Variants in GABRE observed in about 807,000 individuals in gnomAD.
GABRE encodes the protein gamma-aminobutyric acid type A receptor subunit epsilon.
In GABRE, 20 loss-of-function variants were observed where a neutral mutation model predicts 31.0. That is an observed-to-expected ratio of 0.64 (90% confidence interval 0.45 to 0.94). The LOEUF (loss-of-function observed/expected upper bound fraction) is 0.94. Among genes scored for constraint, GABRE ranks in the 40% least tolerant of loss-of-function variants. The pLI is 0.00. For missense variants in GABRE, 420 were observed against 410.7 expected (o/e 1.02, Z -0.20); for synonymous variants, 155 against 150.6 (o/e 1.03, Z -0.21).
chrX:151,960,865 G>A (rs368012787), intron 5 of GABRE, among the ~76,000 whole-genome samples: 2 of 111,892 alleles, frequency 1.8e-5, no homozygotes, highest in Non-Finnish European at 3.8e-5. Context: ...CTTGATTTGC[G>A]CAACTGGGTG....
chrX:151,973,991 C>G (rs915903180), intron 1 of GABRE, among the ~76,000 whole-genome samples: 1 of 111,301 alleles, frequency 9.0e-6, no homozygotes, highest in African/African-American at 3.3e-5. Context: ...GTGCCTGAGA[C>G]TGGCACCAAC....
At position 151,954,807 on chromosome X, in the gene GABRE, CG is replaced by C; in HGVS notation, c.1414del (p.Arg472AlafsTer19). The C allele has an allele frequency of 8.3e-7, 1 of 1,211,639 alleles. No homozygotes were observed. The highest frequency in any genetic ancestry group is 1.1e-6 in the Non-Finnish European group (1 of 895,246). ...CAGGCGGTAGACATGGATGCAGAGG[CG>C]GCCCTGCTGCCAGGTACTGCCCTCA... is the stretch of plus-strand genomic sequence containing the variant. Reference protein sequence around the residue: ...DCEGSTWQQGRLCIHVYRLDN... With the variant: ...DCEGSTWQQGXLCIHVYRLDN... On this transcript the variant is annotated frameshift_variant, in exon 9 of 9. Transcript: ENST00000370328. LOFTEE classifies it high-confidence loss of function.
intron 8 of GABRE, 38 bp downstream of exon 8, chrX:151,955,330 T>C (rs746108157): frequency 5.8e-6 from 7 of 1,207,484 alleles, no homozygotes; most frequent in East Asian, 5.9e-5. Flanking sequence ...GTCTCTACAC[T>C]CCAAAGCCTT....
At chrX:151,961,140 T>C (rs1247509576) in intron 5 of GABRE, 143 bp downstream of exon 5, 1 of 467,822 alleles carries the variant, frequency 2.1e-6, no homozygotes, top group Non-Finnish European at 3.8e-6. Flanking sequence ...GGAAAGGAAA[T>C]GAGGGTGGAG....
Position 151,959,935 on chromosome X carries a change from A to C in GABRE, c.688T>G (p.Phe230Val), listed in dbSNP as rs1934307643. Residue 230 changes from phenylalanine (F) to valine (V), a missense_variant, in exon 6 of 9, where the codon TTC becomes GTC. Phe to Val is a conservative substitution (Grantham distance 50). Coordinates refer to ENST00000370328, the MANE Select transcript of GABRE (RefSeq NM_004961.4). The stretch of plus-strand genomic sequence containing the variant: ...TTCTTCTCATTGATTTCAAGCTTGA[A>C]ATTTTCCCACTTGTAGATCATCTCA... The part of the protein sequence containing the change: ...ENEMIYKWEN[F>V]KLEINEKNSW... 1 of 1,207,892 alleles carries C rather than the reference A, an allele frequency of 8.3e-7. No individual in the cohort carries two copies. Among genetic ancestry groups the C allele is most frequent in the African/African-American group, 1.8e-5 (1 of 57,069 alleles).
At position 151,954,743 on chromosome X, in the gene GABRE, GAAGAAA is replaced by G; in HGVS notation, c.1473_1478del (p.Phe494_Phe495del). ...CAAGCCAGTAGAGCACATTGAAGAA[GAAGAAA>G]GTCACTGGGAAAACAACTCTCGAGT... On this transcript the variant is annotated inframe_deletion, in exon 9 of 9. Transcript: ENST00000370328. The G allele has an allele frequency of 8.3e-7, 1 of 1,210,020 alleles. No homozygotes were observed. The highest frequency in any genetic ancestry group is 1.1e-6 in the Non-Finnish European group (1 of 894,756).
Position 151,974,658 on chromosome X carries a change from A to C in GABRE, c.-33T>G, listed in dbSNP as rs762847812. 1.0e-5 allele frequency: 11 copies of C among 1,093,371 alleles called. No homozygotes were observed. Among genetic ancestry groups the C allele is most frequent in the South Asian group, 4.0e-5 (2 of 50,032 alleles). 90.1% of individuals were successfully genotyped at this position (1,093,371 alleles called of 1,213,427 possible). A position where few individuals can be genotyped will look rare whatever the true frequency, so the allele number is the denominator to read the frequency against. The stretch of plus-strand genomic sequence containing the variant: ...GAGACCGGCGCGACCACCTGCGCGG[A>C]GGTCGCGGCTCACGCTCTGGCCGCA... On this transcript the variant is annotated 5_prime_UTR_variant, in exon 1 of 9. Transcript: ENST00000370328.
intron 5 of GABRE, among the ~76,000 whole-genome samples, chrX:151,960,903 T>C (rs944948530): frequency 8.9e-6 from 1 of 111,749 alleles, no homozygotes; most frequent in African/African-American, 3.3e-5. Flanking sequence ...ATGAGACAGA[T>C]GGGAACCCAG....
At position 151,954,636 on chromosome X, in the gene GABRE, C is replaced by T; in HGVS notation, c.*65G>A. ...GCTGCTGCTGCTTTCCCCCAACTCC[C>T]TTGGCAAGGGGCTTGGACCTCCTGG... On this transcript the variant is annotated 3_prime_UTR_variant, in exon 9 of 9. Coordinates refer to ENST00000370328, the MANE Select transcript of GABRE (RefSeq NM_004961.4). 5 of 914,632 alleles carry T rather than the reference C, an allele frequency of 5.5e-6. No homozygotes were observed. The highest frequency in any genetic ancestry group is 7.5e-6 in the Non-Finnish European group (5 of 664,818). 75.4% of individuals were successfully genotyped at this position (914,632 alleles called of 1,213,427 possible). A position where few individuals can be genotyped will look rare whatever the true frequency, so the allele number is the denominator to read the frequency against.
At chrX:151,957,800 A>G (rs966947425) in intron 6 of GABRE, 8 of 209,022 alleles carry the variant, frequency 3.8e-5, no homozygotes, top group Non-Finnish European at 6.1e-5. Context: ...TTCTGCTCAA[A>G]CTCTTATCCT....
Position 151,961,227 on chromosome X carries a change from A to T in GABRE, c.646+56T>A, listed in dbSNP as rs775815337. The T allele has an allele frequency of 1.0e-3, 843 of 803,059 alleles. 1 individual carries two copies. The highest frequency in any genetic ancestry group is 1.5e-3 in the Non-Finnish European group (789 of 539,208). 66.2% of individuals were successfully genotyped at this position (803,059 alleles called of 1,213,427 possible). A position where few individuals can be genotyped will look rare whatever the true frequency, so the allele number is the denominator to read the frequency against. On this transcript the variant is annotated intron_variant, in intron 5 of 8. Coordinates refer to ENST00000370328, the MANE Select transcript of GABRE (RefSeq NM_004961.4). ...GAAAAATGTAAATGGCAAGGATGAG[A>T]AAAAGAAGGAGCCCAGCATGTTTCT...
intron 2 of GABRE, 103 bp from the exon 3 acceptor site, chrX:151,969,839 G>A (rs977299082): frequency 1.8e-6 from 2 of 1,129,590 alleles, no homozygotes; most frequent in Non-Finnish European, 2.3e-6. Context: ...GTAAGTGTTG[G>A]ACCACACAGT....
chrX:151,972,568 G>A, intron 1 of GABRE: 11 of 753,854 alleles, frequency 1.5e-5, no homozygotes, highest in Non-Finnish European at 1.7e-5. Flanking sequence ...CCTCCCCGCT[G>A]CCCCAAGTTT....
chrX:151,960,052 C>T, intron 5 of GABRE, 76 bp from the exon 6 acceptor site: 1 of 973,067 alleles, frequency 1.0e-6, no homozygotes, highest in Middle Eastern at 4.0e-4. Flanking sequence ...ATGAAGTCAG[C>T]CTGCACAATG....
rs3831673 is a variant in GABRE at position 151,972,716 on chromosome X, TAA to T, written c.56+1852_56+1853del. 1,021 of 599,464 alleles carry T rather than the reference TAA, an allele frequency of 1.7e-3. 33 individuals are homozygous for T. In the Admixed American group the frequency reaches 0.062, roughly 36 times the overall value. The allele number at this position is 599,464 out of a possible 1,213,427, so 49.4% of individuals were successfully genotyped here. On this transcript the variant is annotated intron_variant, in intron 1 of 8. Coordinates refer to ENST00000370328, the MANE Select transcript of GABRE (RefSeq NM_004961.4). ...AATCCTAAAATTGGCTTTTGCCAGTTAAAAAAAAAAAACACAACAATAAACAA... is the reference window on the plus strand; with the variant it reads ...AATCCTAAAATTGGCTTTTGCCAGTTAAAAAAAAAACACAACAATAAACAA...
intron 6 of GABRE, chrX:151,956,151 G>A: frequency 6.6e-6 from 2 of 302,430 alleles, no homozygotes; most frequent in Non-Finnish European, 1.2e-5. Flanking sequence ...AGAGAGTCAG[G>A]TGAAAGTGAA....
chrX:151,972,675 G>A, intron 1 of GABRE: 2 of 751,197 alleles, frequency 2.7e-6, no homozygotes, highest in Middle Eastern at 7.6e-4. Context: ...ATATCAGAGG[G>A]TCATAAGGTG....
chrX:151,971,215 A>G, intron 1 of GABRE: 1 of 482,958 alleles, frequency 2.1e-6, no homozygotes, highest in Non-Finnish European at 3.2e-6. Context: ...GGTCCTGCTC[A>G]CATTCGGGTC....
At chrX:151,970,445 G>A (rs764288018) in intron 1 of GABRE, 43 bp from the exon 2 acceptor site, 2 of 1,174,587 alleles carry the variant, frequency 1.7e-6, no homozygotes, top group Non-Finnish European at 2.3e-6. Flanking sequence ...CCTGCACTCT[G>A]TAGGGGCCCC....
Sources: allele counts gnomAD v4.1 joint callset (sites outside exome capture counted in the v4.1 genomes callset), GRCh38; gene constraint gnomAD v4.1.1; transcripts MANE v1.5; gene names NCBI Gene and HGNC (gene_info 2026-07-23, HGNC 2026-07-21).